Variants in KCNH8 observed in about 807,000 individuals in gnomAD.
KCNH8 encodes the protein voltage-gated delayed rectifier potassium channel KCNH8.
A neutral mutation model predicts 103.6 loss-of-function variants in KCNH8; 70 were observed. The observed-to-expected ratio is 0.68, with a 90% CI of 0.56 to 0.82. The LOEUF (loss-of-function observed/expected upper bound fraction) is 0.82. Among genes scored for constraint, KCNH8 ranks in the 40% least tolerant of loss-of-function variants. The pLI, the probability that KCNH8 is intolerant of heterozygous loss-of-function variation, is 0.00. For missense variants in KCNH8, 1,217 were observed against 1,329.9 expected, an observed-to-expected ratio of 0.92 and a Z score of 1.32; for synonymous variants, 498 against 489.4, an observed-to-expected ratio of 1.02 and a Z score of -0.23.
chr3:19,443,601 A>G (rs1461694825), intron 8 of KCNH8, among the ~76,000 whole-genome samples: 2 of 151,712 alleles, frequency 1.3e-5, no homozygotes, highest in Non-Finnish European at 2.9e-5. Flanking sequence ...AAGCAAAAAT[A>G]GTTTCTAAAA....
chr3:19,533,392 T>A lies in KCNH8; in HGVS notation c.2620-3T>A. 1.2e-6 allele frequency: 2 copies of A among 1,605,532 alleles called. No individual in the cohort carries two copies. The highest frequency in any genetic ancestry group is 1.7e-6 in the Non-Finnish European group (2 of 1,172,188). On this transcript the variant is annotated splice_region_variant and splice_polypyrimidine_tract_variant and intron_variant, in intron 15 of 15. Transcript: ENST00000328405. ...TGTCTTTCACTTTGCTCTATCCACA[T>A]AGGTAACAACATTGACTCAGGAAGT...
intron 2 of KCNH8, among the ~76,000 whole-genome samples, chr3:19,263,164 C>T (rs182894090): frequency 1.3e-5 from 2 of 152,096 alleles, no homozygotes; most frequent in Non-Finnish European, 2.9e-5. Context: ...GACATTTCCT[C>T]TGAGTGTTAG....
chr3:19,274,828 TCCCTC>T (rs2064640522), intron 2 of KCNH8, among the ~76,000 whole-genome samples: 1 of 65,538 alleles, frequency 1.5e-5, no homozygotes, highest in Non-Finnish European at 3.0e-5. Flanking sequence ...TCCCTTCCCT[TCCCTC>T]CCCTCCCCAC....
intron 7 of KCNH8, among the ~76,000 whole-genome samples, chr3:19,408,034 G>A (rs1335107865): frequency 3.3e-5 from 5 of 152,088 alleles, no homozygotes; most frequent in African/African-American, 1.2e-4. Flanking sequence ...AGTGAGCAGA[G>A]AGTTCAGACC....
At chr3:19,271,715 A>G (rs1364091383) in intron 2 of KCNH8, among the ~76,000 whole-genome samples, 1 of 152,196 alleles carries the variant, frequency 6.6e-6, no homozygotes. Flanking sequence ...CAGATGTGGT[A>G]TGAACAGGTG....
At chr3:19,292,817 GCCTCTTT>G (rs2064947029) in intron 3 of KCNH8, among the ~76,000 whole-genome samples, 1 of 152,300 alleles carries the variant, frequency 6.6e-6, no homozygotes, top group Admixed American at 6.5e-5. Context: ...AAAGCCAAGG[GCCTCTTT>G]CTATGAGGGT....
intron 11 of KCNH8, among the ~76,000 whole-genome samples, chr3:19,472,695 G>A (rs2067887875): frequency 6.6e-6 from 1 of 152,056 alleles, no homozygotes; most frequent in South Asian, 2.1e-4. Context: ...ATAACAAGTG[G>A]CATAAAAATT....
intron 15 of KCNH8, among the ~76,000 whole-genome samples, chr3:19,521,314 A>AT (rs2068967571): frequency 6.6e-6 from 1 of 151,986 alleles, no homozygotes; most frequent in Non-Finnish European, 1.5e-5. Context: ...TTAGATTCCT[A>AT]TTCTGTGATT....
At chr3:19,271,786 G>A (rs79900409) in intron 2 of KCNH8, among the ~76,000 whole-genome samples, 8,312 of 152,148 alleles carry the variant, frequency 0.055, 758 homozygotes, top group African/African-American at 0.19. Context: ...GTTACTTCCA[G>A]TCTCAGAAGA....
At chr3:19,406,027 T>G (rs1005662818) in intron 7 of KCNH8, among the ~76,000 whole-genome samples, 1 of 152,064 alleles carries the variant, frequency 6.6e-6, no homozygotes, top group Non-Finnish European at 1.5e-5. Context: ...ATCTCTAAAA[T>G]TTTTAACTTA....
intron 7 of KCNH8, among the ~76,000 whole-genome samples, chr3:19,402,560 A>C (rs2066629135): frequency 1.3e-5 from 2 of 151,914 alleles, no homozygotes; most frequent in Admixed American, 1.3e-4. Context: ...ACACACATAT[A>C]CATACATGTG....
At chr3:19,393,137 A>G (rs2066464336) in intron 6 of KCNH8, among the ~76,000 whole-genome samples, 1 of 151,974 alleles carries the variant, frequency 6.6e-6, no homozygotes, top group Non-Finnish European at 1.5e-5. Context: ...GTCTATGAGT[A>G]GCTTATAATT....
At chr3:19,476,530 T>C (rs2067980312) in intron 11 of KCNH8, among the ~76,000 whole-genome samples, 1 of 152,140 alleles carries the variant, frequency 6.6e-6, no homozygotes, top group Admixed American at 6.6e-5. Flanking sequence ...TAGGAGCCAT[T>C]GTACCCTAAT....
At chr3:19,477,011 GAGAA>G (rs1338872810) in intron 11 of KCNH8, among the ~76,000 whole-genome samples, 4 of 152,138 alleles carry the variant, frequency 2.6e-5, no homozygotes, top group Non-Finnish European at 5.9e-5. Context: ...TGAAGGGACT[GAGAA>G]AGAAAAATAT....
At chr3:19,231,165 C>A (rs961356343) in intron 1 of KCNH8, among the ~76,000 whole-genome samples, 1 of 152,048 alleles carries the variant, frequency 6.6e-6, no homozygotes, top group Non-Finnish European at 1.5e-5. Context: ...AAAAGAAGAA[C>A]TATTTTCTTA....
intron 3 of KCNH8, among the ~76,000 whole-genome samples, chr3:19,329,607 C>T (rs2065477169): frequency 6.6e-6 from 1 of 151,990 alleles, no homozygotes; most frequent in Non-Finnish European, 1.5e-5. Context: ...GAGGGTAAAA[C>T]TTTGGTCTTA....
In KCNH8 at chr3:19,534,026, CT is replaced by C; in HGVS notation, c.3254del (p.Leu1085TrpfsTer15). 2 of 1,614,090 alleles carry C rather than the reference CT, an allele frequency of 1.2e-6. No homozygotes were observed. The highest frequency in any genetic ancestry group is 1.7e-6 in the Non-Finnish European group (2 of 1,179,974). On this transcript the variant is annotated frameshift_variant, in exon 16 of 16. Transcript: ENST00000328405. LOFTEE classifies it high-confidence loss of function. ...GGAATGGCATCAGCTTCTACAAAAC[CT>C]TTGGAGAACCTTCCACTGGAAGTTG... ...QEGMASASTK[P>X]LENLPLEVVT... is the part of the protein sequence containing the mutation.
Position 19,444,892 on chromosome 3 carries a change from TGATGGGCATGTCAGTC to T in KCNH8, c.1376-5210_1376-5195del, listed in dbSNP as rs1207295374. 2.6e-5 allele frequency among the ~76,000 whole-genome samples: 4 copies of T among 152,130 alleles called. No homozygotes were observed. In the South Asian group the frequency reaches 8.3e-4, roughly 31 times the overall value. ...ACCTTGACCTCCTCTCCTATACTGT[TGATGGGCATGTCAGTC>T]GATACAACTTTGTCAACATCTACCA... On this transcript the variant is annotated intron_variant, in intron 8 of 15. Transcript: ENST00000328405.
intron 5 of KCNH8, among the ~76,000 whole-genome samples, chr3:19,363,593 T>C (rs1421149899): frequency 6.6e-6 from 1 of 152,182 alleles, no homozygotes; most frequent in Non-Finnish European, 1.5e-5. Flanking sequence ...TCCTCTTTAT[T>C]GTGCATAACC....
Sources: allele counts gnomAD v4.1 joint callset (sites outside exome capture counted in the v4.1 genomes callset), GRCh38; gene constraint gnomAD v4.1.1; transcripts MANE v1.5; gene names NCBI Gene and HGNC (gene_info 2026-07-23, HGNC 2026-07-21).